Variants in KIF6 observed in about 807,000 individuals in gnomAD.
KIF6 encodes kinesin family member 6.
Under a neutral mutation model 112.7 loss-of-function variants are expected in KIF6, and 106 were observed. The observed-to-expected ratio is 0.94, with a 90% confidence interval of 0.80 to 1.11. The LOEUF (loss-of-function observed/expected upper bound fraction) is 1.11, where lower values mean the gene tolerates loss of function less well. KIF6 is among the 50% of genes least tolerant of loss of function. The pLI, the probability that KIF6 is intolerant of heterozygous loss-of-function variation, is 0.00. For synonymous variants in KIF6, 339 were observed against 339.9 expected (o/e 1.00, Z 0.03); for missense variants, 929 against 964.0 (o/e 0.96, Z 0.48).
intron 16 of KIF6, among the ~76,000 whole-genome samples, chr6:39,381,500 G>C (rs1041412403): frequency 6.6e-6 from 1 of 152,140 alleles, no homozygotes; most frequent in South Asian, 2.1e-4. Flanking sequence ...CAAATACACC[G>C]AGTAGGCTGC....
intron 3 of KIF6, among the ~76,000 whole-genome samples, chr6:39,704,445 C>T (rs1226387390): frequency 6.6e-6 from 1 of 152,124 alleles, no homozygotes; most frequent in Non-Finnish European, 1.5e-5. Context: ...ATGGTAAAAC[C>T]CTGTCTCTAC....
intron 6 of KIF6, among the ~76,000 whole-genome samples, chr6:39,605,784 G>T (rs1057393550): frequency 2.6e-5 from 4 of 152,072 alleles, no homozygotes; most frequent in Non-Finnish European, 5.9e-5. Context: ...TTCACTTATA[G>T]TTGACTTGTA....
chr6:39,576,848 T>G (rs1277671752), intron 10 of KIF6, among the ~76,000 whole-genome samples: 1 of 152,216 alleles, frequency 6.6e-6, no homozygotes, highest in African/African-American at 2.4e-5. Flanking sequence ...AAATTCCTTT[T>G]GTTAAAAGGC....
intron 6 of KIF6, among the ~76,000 whole-genome samples, chr6:39,611,544 G>A (rs1163937478): frequency 1.3e-5 from 2 of 152,176 alleles, no homozygotes; most frequent in Non-Finnish European, 2.9e-5. Context: ...GTGAGGGAAA[G>A]TAATTGGCAA....
rs139696821 is a variant in KIF6, at chr6:39,591,206, G to A, written c.847-4802C>T. ...GGATCTACCTGGGGCGCTGGGACGG[G>A]CTCCTGGCCGAGCTTCTCATTGTTA... is the stretch of plus-strand genomic sequence containing the variant. On this transcript the variant is annotated intron_variant, in intron 7 of 22. Coordinates refer to ENST00000287152, the MANE Select transcript of KIF6 (RefSeq NM_145027.6). Among the ~76,000 whole-genome samples, 116 of 152,280 alleles carry A rather than the reference G, an allele frequency of 7.6e-4. No homozygotes were observed. The Middle Eastern group carries it at 0.01, about 13-fold the overall frequency.
At chr6:39,349,631 CTTTTTTTTTTTT>C (rs58810898) in intron 19 of KIF6, among the ~76,000 whole-genome samples, 7,652 of 64,616 alleles carry the variant, frequency 0.12, 644 homozygotes, top group African/African-American at 0.31. Flanking sequence ...ATTTGTGGCT[CTTTTTTTTTTTT>C]TTTTTTTTTT....
At chr6:39,591,605 C>G (rs887015572) in intron 7 of KIF6, among the ~76,000 whole-genome samples, 3 of 152,170 alleles carry the variant, frequency 2.0e-5, no homozygotes, top group Non-Finnish European at 2.9e-5. Flanking sequence ...AGAAGAGGAC[C>G]GTGAGAAGGT....
intron 13 of KIF6, among the ~76,000 whole-genome samples, chr6:39,483,986 G>A (rs1219215997): frequency 6.6e-6 from 1 of 152,290 alleles, no homozygotes; most frequent in East Asian, 1.9e-4. Flanking sequence ...AGTGGGAGAG[G>A]CTATATACAC....
rs1762810704 is a variant in KIF6 at position 39,333,538 on chromosome 6, A to G, written c.*2994T>C. ...AGAGAGATCACTGGAGCAAGAGGCAAGCTCAACCATGAGAGCACAATTCAA... is the reference window on the plus strand; with the variant it reads ...AGAGAGATCACTGGAGCAAGAGGCAGGCTCAACCATGAGAGCACAATTCAA... On this transcript the variant is annotated 3_prime_UTR_variant, in exon 23 of 23. Coordinates refer to ENST00000287152, the MANE Select transcript of KIF6 (RefSeq NM_145027.6). The G allele has an allele frequency of 6.6e-6, 1 of 152,258 alleles. No homozygotes were observed. Among genetic ancestry groups the G allele is most frequent in the Non-Finnish European group, 1.5e-5 (1 of 68,064 alleles). 9.4% of individuals were successfully genotyped at this position (152,258 alleles called of 1,614,324 possible).
At chr6:39,640,642 T>C (rs1224607589) in intron 3 of KIF6, among the ~76,000 whole-genome samples, 1 of 152,118 alleles carries the variant, frequency 6.6e-6, no homozygotes, top group Non-Finnish European at 1.5e-5. Context: ...TTAGAATTCC[T>C]CCCTATTAGT....
At chr6:39,524,152 A>AAGAC (rs1777568569) in intron 13 of KIF6, among the ~76,000 whole-genome samples, 1 of 149,440 alleles carries the variant, frequency 6.7e-6, no homozygotes, top group Admixed American at 6.7e-5. Context: ...GTGTGTGTGA[A>AAGAC]AGAGAGAGAG....
At chr6:39,589,135 A>G (rs570128347) in intron 7 of KIF6, among the ~76,000 whole-genome samples, 6 of 152,162 alleles carry the variant, frequency 3.9e-5, no homozygotes, top group African/African-American at 1.4e-4. Context: ...TTATCCCCAC[A>G]TCAGAGCCTC....
At chr6:39,645,410 G>A (rs1427039166) in intron 3 of KIF6, among the ~76,000 whole-genome samples, 1 of 152,214 alleles carries the variant, frequency 6.6e-6, no homozygotes, top group East Asian at 1.9e-4. Context: ...AAGATTGTCT[G>A]GAGGATCTGC....
At position 39,544,691 on chromosome 6, in the gene KIF6, T is replaced by C; in HGVS notation, c.1290A>G (p.Lys430=). The C allele has an allele frequency of 6.3e-7, 1 of 1,584,592 alleles. No individual in the cohort carries two copies. The highest frequency in any genetic ancestry group is 8.6e-7 in the Non-Finnish European group (1 of 1,167,730). ...CAAGGATCTTCTTGTCATTCAATAG[T>C]TTCTGTAAGATAAAATAAGAGCTTA... is the stretch of plus-strand genomic sequence containing the variant. The part of the protein sequence containing the change: ...KVHHCFHHLK[K]LLNDKKILEN... Residue 430 remains lysine (K), a splice_region_variant and synonymous_variant, in exon 12 of 23, where the codon AAA becomes AAG. Coordinates refer to ENST00000287152, the MANE Select transcript of KIF6 (RefSeq NM_145027.6).
Position 39,539,984 on chromosome 6 carries a change from G to C in KIF6, c.1645+19C>G, listed in dbSNP as rs1778694092. On this transcript the variant is annotated intron_variant, in intron 13 of 22. Coordinates refer to ENST00000287152, the MANE Select transcript of KIF6 (RefSeq NM_145027.6). ...TCCATTACAGACAATGAGAAATACT[G>C]GAAATTTAGTCAACTGACCTATTTT... The C allele has an allele frequency of 6.4e-7, 1 of 1,563,436 alleles. No homozygotes were observed. Among genetic ancestry groups the C allele is most frequent in the African/African-American group, 1.4e-5 (1 of 72,940 alleles).
At chr6:39,567,718 C>T (rs1780376477) in intron 10 of KIF6, among the ~76,000 whole-genome samples, 3 of 152,160 alleles carry the variant, frequency 2.0e-5, no homozygotes, top group Non-Finnish European at 2.9e-5. Flanking sequence ...CACCATTCTC[C>T]TGCCTCAGCC....
chr6:39,434,115 G>T (rs374502694), intron 13 of KIF6, among the ~76,000 whole-genome samples: 11 of 152,262 alleles, frequency 7.2e-5, no homozygotes, highest in African/African-American at 2.4e-4. Context: ...GTGATTAAAA[G>T]CTCACCTTGC....
chr6:39,593,988 A>G (rs1782096008), intron 7 of KIF6, among the ~76,000 whole-genome samples: 2 of 152,164 alleles, frequency 1.3e-5, no homozygotes, highest in African/African-American at 4.8e-5. Flanking sequence ...GACTGTTTCT[A>G]TTTTGTTCAC....
At position 39,394,087 on chromosome 6, in the gene KIF6, T is replaced by C. The variant is rs140918466; in HGVS notation, c.1811-8415A>G. On this transcript the variant is annotated intron_variant, in intron 15 of 22. Coordinates refer to ENST00000287152, the MANE Select transcript of KIF6 (RefSeq NM_145027.6). ...ATGTATATGTATGATGCTGTGACCA[T>C]GGAGGTTATGTGAATGAATATCTAC... is the stretch of plus-strand genomic sequence containing the variant. Among the ~76,000 whole-genome samples, 730 of 152,258 alleles carry C rather than the reference T, an allele frequency of 4.8e-3. 4 individuals carry two copies. Among genetic ancestry groups the C allele is most frequent in the Middle Eastern group, 0.01 (3 of 294 alleles).
Sources: gnomAD v4.1 joint callset for allele counts (sites outside exome capture counted in the v4.1 genomes callset) on GRCh38, gnomAD v4.1.1 for gene constraint, MANE v1.5 for transcripts, NCBI Gene and HGNC (gene_info 2026-07-23, HGNC 2026-07-21) for gene names.